Variants in ANO1 observed in about 807,000 individuals in gnomAD.
The protein encoded by ANO1 is anoctamin-1.
Under a neutral mutation model 124.0 loss-of-function variants are expected in ANO1, and 59 were observed. That is an observed-to-expected ratio of 0.48 (90% confidence interval 0.39 to 0.59). The LOEUF is 0.59. ANO1 is among the 20% of genes least tolerant of loss of function. The pLI, the probability that ANO1 is intolerant of heterozygous loss-of-function variation, is 0.00. For missense variants in ANO1, 1,059 were observed against 1,328.0 expected (o/e 0.80, Z 3.15); for synonymous variants, 529 against 532.0 (o/e 0.99, Z 0.08).
chr11:70,067,968 C>A (rs1857773617), intron 1 of ANO1, among the ~76,000 whole-genome samples: 1 of 152,048 alleles, frequency 6.6e-6, no homozygotes, highest in African/African-American at 2.4e-5. Context: ...GGTCTGTGCC[C>A]TGGGCTCACA....
At chr11:70,105,380 C>A (rs947904862) in intron 4 of ANO1, among the ~76,000 whole-genome samples, 1 of 152,036 alleles carries the variant, frequency 6.6e-6, no homozygotes, top group Non-Finnish European at 1.5e-5. Flanking sequence ...CCCTGTCCCC[C>A]GCCTTGTTGA....
intron 22 of ANO1, among the ~76,000 whole-genome samples, chr11:70,178,223 C>T (rs926112992): frequency 6.6e-6 from 1 of 152,224 alleles, no homozygotes; most frequent in South Asian, 2.1e-4. Context: ...CAGGAGAAGC[C>T]GGGTCGGAAG....
At chr11:70,023,371 T>C (rs1317169581) in intron 1 of ANO1, among the ~76,000 whole-genome samples, 2 of 152,162 alleles carry the variant, frequency 1.3e-5, no homozygotes, top group African/African-American at 4.8e-5. Context: ...ATTTGGGAGA[T>C]CCCAGGCTAA....
At chr11:70,035,358 A>C (rs4980750) in intron 1 of ANO1, among the ~76,000 whole-genome samples, 2,834 of 152,154 alleles carry the variant, frequency 0.019, 106 homozygotes, top group East Asian at 0.16. Context: ...GCGCTGGCGA[A>C]CTTTTCACTT....
intron 1 of ANO1, among the ~76,000 whole-genome samples, chr11:70,040,102 A>G (rs139693433): frequency 1.8e-4 from 27 of 152,294 alleles, no homozygotes; most frequent in Non-Finnish European, 2.9e-4. Context: ...GCAGCCTAAG[A>G]ACGTGATCAC....
intron 23 of ANO1, among the ~76,000 whole-genome samples, chr11:70,180,562 T>G (rs1395525325): frequency 6.6e-6 from 1 of 152,148 alleles, no homozygotes; most frequent in Non-Finnish European, 1.5e-5. Flanking sequence ...CACGAGCCAC[T>G]GCGCCCAGCC....
At chr11:70,069,344 G>A (rs2135133895) in intron 1 of ANO1, among the ~76,000 whole-genome samples, 1 of 152,358 alleles carries the variant, frequency 6.6e-6, no homozygotes, top group East Asian at 1.9e-4. Context: ...AAGGAAACAG[G>A]AACAGAGGAG....
chr11:70,025,567 T>G (rs1346603389), intron 1 of ANO1, among the ~76,000 whole-genome samples: 2 of 151,624 alleles, frequency 1.3e-5, no homozygotes, highest in Non-Finnish European at 2.9e-5. Flanking sequence ...ACAATGATGA[T>G]GATGATGATG....
At chr11:69,993,669 C>G (rs1228062778) in intron 1 of ANO1, among the ~76,000 whole-genome samples, 1 of 152,238 alleles carries the variant, frequency 6.6e-6, no homozygotes, top group Non-Finnish European at 1.5e-5. Context: ...TCCAGCCCAC[C>G]ACCTGGTGCA....
intron 1 of ANO1, among the ~76,000 whole-genome samples, chr11:70,035,222 G>A (rs535018269): frequency 6.6e-6 from 1 of 152,304 alleles, no homozygotes; most frequent in African/African-American, 2.4e-5. Flanking sequence ...GCTAGTGTCA[G>A]GTCCAGCCCT....
intron 22 of ANO1, among the ~76,000 whole-genome samples, chr11:70,173,963 T>G (rs2048575768): frequency 1.3e-5 from 2 of 149,116 alleles, no homozygotes; most frequent in African/African-American, 2.5e-5. Context: ...TGAGATGGGG[T>G]CTCACTCTGT....
At chr11:70,139,305 T>A (rs558386048) in intron 11 of ANO1, among the ~76,000 whole-genome samples, 2 of 150,508 alleles carry the variant, frequency 1.3e-5, no homozygotes, top group Non-Finnish European at 3.0e-5. Context: ...TACAGGCACC[T>A]GCCACCATGC....
At chr11:70,138,205 C>T (rs576132177) in intron 11 of ANO1, among the ~76,000 whole-genome samples, 2 of 146,572 alleles carry the variant, frequency 1.4e-5, no homozygotes, top group East Asian at 2.1e-4. Context: ...ATTAGCTGGC[C>T]GTAGTGGCAC....
At chr11:70,100,554 G>A (rs893118529) in intron 2 of ANO1, among the ~76,000 whole-genome samples, 6 of 152,162 alleles carry the variant, frequency 3.9e-5, no homozygotes, top group Non-Finnish European at 7.3e-5. Context: ...GCATGGCCCT[G>A]GAGACACTTT....
At chr11:70,021,616 T>G (rs1555002639) in intron 1 of ANO1, among the ~76,000 whole-genome samples, 1 of 152,216 alleles carries the variant, frequency 6.6e-6, no homozygotes, top group Non-Finnish European at 1.5e-5. Context: ...TTATTTTTAA[T>G]GCATCCACTT....
intron 1 of ANO1, among the ~76,000 whole-genome samples, chr11:70,025,614 G>A (rs1856882153): frequency 6.6e-6 from 1 of 150,592 alleles, no homozygotes; most frequent in Admixed American, 6.6e-5. Flanking sequence ...GATAATGATG[G>A]TGGTGATGAT....
intron 1 of ANO1, among the ~76,000 whole-genome samples, chr11:70,031,276 A>G (rs1460985613): frequency 6.6e-6 from 1 of 152,228 alleles, no homozygotes; most frequent in Non-Finnish European, 1.5e-5. Flanking sequence ...TGTATACAAC[A>G]TGGTATCATC....
chr11:70,091,872 G>T (rs1269605735), intron 2 of ANO1, among the ~76,000 whole-genome samples: 1 of 152,206 alleles, frequency 6.6e-6, no homozygotes, highest in African/African-American at 2.4e-5. Context: ...GACATCTTGT[G>T]ACAACCTGGC....
intron 21 of ANO1, among the ~76,000 whole-genome samples, chr11:70,170,577 C>A (rs562801768): frequency 4.5e-4 from 69 of 152,256 alleles, no homozygotes; most frequent in South Asian, 1.9e-3. Flanking sequence ...GGTGACAGAT[C>A]GAGACTATCT....
Sources: gnomAD v4.1 joint callset for allele counts (sites outside exome capture counted in the v4.1 genomes callset) on GRCh38, gnomAD v4.1.1 for gene constraint, MANE v1.5 for transcripts, NCBI Gene and HGNC (gene_info 2026-07-23, HGNC 2026-07-21) for gene names.